DPYD: variants seen among roughly 807,000 people sequenced by gnomAD.
The protein encoded by DPYD is dihydropyrimidine dehydrogenase.
A neutral mutation model predicts 116.2 loss-of-function variants in DPYD; 109 were observed. That is an observed-to-expected ratio of 0.94 (90% CI 0.80 to 1.10). The LOEUF is 1.10. DPYD is among the 50% of genes least tolerant of loss of function. The pLI is 0.00. For missense variants in DPYD, 1,302 were observed against 1,254.5 expected (o/e 1.04, Z -0.57); for synonymous variants, 440 against 432.0 (o/e 1.02, Z -0.23).
intron 8 of DPYD, among the ~76,000 whole-genome samples, chr1:97,639,432 C>T (rs1657754460): frequency 6.6e-6 from 1 of 151,970 alleles, no homozygotes; most frequent in African/African-American, 2.4e-5. Flanking sequence ...TCACTATTAA[C>T]TGTTATTTTG....
chr1:97,462,825 A>G (rs1057162564), intron 13 of DPYD, among the ~76,000 whole-genome samples: 3 of 152,150 alleles, frequency 2.0e-5, no homozygotes, highest in African/African-American at 7.2e-5. Context: ...CTGATCTAGG[A>G]GAGAATTAAC....
intron 2 of DPYD, among the ~76,000 whole-genome samples, chr1:97,852,608 T>G (rs1480131968): frequency 2.6e-5 from 4 of 152,178 alleles, no homozygotes; most frequent in African/African-American, 9.7e-5. Flanking sequence ...TGATTTCCAT[T>G]GTTAAACTGC....
At chr1:97,554,556 G>T (rs1205569034) in intron 11 of DPYD, among the ~76,000 whole-genome samples, 1 of 152,006 alleles carries the variant, frequency 6.6e-6, no homozygotes, top group Non-Finnish European at 1.5e-5. Context: ...GAAACTAAAA[G>T]GTGTGCTGAG....
chr1:97,346,049 C>T (rs1167375862), intron 16 of DPYD, among the ~76,000 whole-genome samples: 1 of 151,696 alleles, frequency 6.6e-6, no homozygotes, highest in Non-Finnish European at 1.5e-5. Flanking sequence ...AAAAGTTTTA[C>T]CATATACATT....
At chr1:97,583,048 G>C (rs1321780552) in intron 10 of DPYD, among the ~76,000 whole-genome samples, 2 of 151,914 alleles carry the variant, frequency 1.3e-5, no homozygotes, top group African/African-American at 4.8e-5. Flanking sequence ...CACTCATTGC[G>C]AGCTCTGCCT....
At chr1:97,628,891 A>G (rs1657093637) in intron 8 of DPYD, among the ~76,000 whole-genome samples, 1 of 152,034 alleles carries the variant, frequency 6.6e-6, no homozygotes, top group Non-Finnish European at 1.5e-5. Context: ...GACAGTGGTT[A>G]TTTGCTCAGA....
At chr1:97,663,162 G>T (rs1659365470) in intron 8 of DPYD, among the ~76,000 whole-genome samples, 1 of 152,194 alleles carries the variant, frequency 6.6e-6, no homozygotes, top group African/African-American at 2.4e-5. Flanking sequence ...TACCTCTCCT[G>T]CCCACACTTC....
chr1:97,119,074 A>AT (rs1241604003), intron 20 of DPYD, among the ~76,000 whole-genome samples: 1 of 152,170 alleles, frequency 6.6e-6, no homozygotes, highest in African/African-American at 2.4e-5. Flanking sequence ...ACAAGCATTC[A>AT]TTAGAAAGCA....
intron 13 of DPYD, among the ~76,000 whole-genome samples, chr1:97,458,674 A>C (rs1019155282): frequency 6.6e-6 from 1 of 152,316 alleles, no homozygotes; most frequent in Admixed American, 6.5e-5. Flanking sequence ...CTCTCACTAG[A>C]AAATAACTAG....
chr1:97,549,849 G>T (rs1651189194), intron 11 of DPYD, 105 bp from the exon 12 acceptor site: 1 of 1,043,124 alleles, frequency 9.6e-7, no homozygotes, highest in Non-Finnish European at 1.4e-6. Context: ...TTGTTCCAGG[G>T]ATTCAAACAA....
intron 3 of DPYD, among the ~76,000 whole-genome samples, chr1:97,814,274 T>C (rs1045742972): frequency 2.0e-5 from 3 of 152,074 alleles, no homozygotes; most frequent in East Asian, 3.9e-4. Flanking sequence ...GTTAGACATA[T>C]GGTTAATGAG....
At chr1:97,151,446 G>A (rs948426245) in intron 20 of DPYD, among the ~76,000 whole-genome samples, 37 of 152,270 alleles carry the variant, frequency 2.4e-4, no homozygotes, top group African/African-American at 8.7e-4. Context: ...GGCCGAGGCA[G>A]GCAGATCACC....
intron 16 of DPYD, among the ~76,000 whole-genome samples, chr1:97,312,690 G>A (rs906754304): frequency 2.6e-5 from 4 of 151,654 alleles, no homozygotes; most frequent in African/African-American, 9.7e-5. Context: ...ATATAAATAT[G>A]TACATATATT....
At chr1:97,394,537 A>C (rs1672906617) in intron 14 of DPYD, 1 of 152,168 alleles carries the variant, frequency 6.6e-6, no homozygotes, top group Middle Eastern at 3.4e-3. Flanking sequence ...TAACAATAAT[A>C]TCAAAGATCA....
chr1:97,522,962 T>C (rs1648794344), intron 12 of DPYD, among the ~76,000 whole-genome samples: 1 of 152,174 alleles, frequency 6.6e-6, no homozygotes, highest in South Asian at 2.1e-4. Context: ...CATTTACCTA[T>C]ATGCTATGAA....
At chr1:97,773,914 G>C (rs149023226) in intron 3 of DPYD, among the ~76,000 whole-genome samples, 1 of 152,296 alleles carries the variant, frequency 6.6e-6, no homozygotes, top group African/African-American at 2.4e-5. Flanking sequence ...CCAGGATACA[G>C]AAAGAAGCCC....
intron 12 of DPYD, among the ~76,000 whole-genome samples, chr1:97,523,581 C>T (rs913210114): frequency 9.9e-5 from 15 of 152,096 alleles, no homozygotes; most frequent in Admixed American, 3.3e-4. Context: ...TCTCCCTCCC[C>T]GCCCTTTCTA....
At chr1:97,871,091 T>A (rs1671637010) in intron 2 of DPYD, among the ~76,000 whole-genome samples, 1 of 151,978 alleles carries the variant, frequency 6.6e-6, no homozygotes, top group Non-Finnish European at 1.5e-5. Flanking sequence ...TATGCAAAGA[T>A]GTTTCTTATT....
At chr1:97,524,653 C>T (rs1361758235) in intron 12 of DPYD, among the ~76,000 whole-genome samples, 1 of 152,170 alleles carries the variant, frequency 6.6e-6, no homozygotes, top group African/African-American at 2.4e-5. Context: ...CACCTCTGGA[C>T]ATTGTGTGCT....
Sources: allele counts gnomAD v4.1 joint callset (sites outside exome capture counted in the v4.1 genomes callset), GRCh38; gene constraint gnomAD v4.1.1; transcripts MANE v1.5; gene names NCBI Gene and HGNC (gene_info 2026-07-23, HGNC 2026-07-21).